The following FARSB variants were observed in gnomAD, a reference collection of about 807,000 sequenced individuals.
The protein encoded by FARSB is phenylalanine--tRNA ligase beta subunit.
In FARSB, 40 loss-of-function variants were observed where a neutral mutation model predicts 69.6. The ratio of observed to expected loss-of-function variants is 0.57; its 90% confidence interval spans 0.45 to 0.75. The LOEUF (loss-of-function observed/expected upper bound fraction) is 0.75, where lower values mean the gene tolerates loss of function less well. FARSB is among the 30% of genes least tolerant of loss of function. FARSB has a pLI of 0.00. For missense variants in FARSB, 632 were observed against 722.9 expected, an observed-to-expected ratio of 0.87 and a Z score of 1.44; for synonymous variants, 235 against 247.2, an observed-to-expected ratio of 0.95 and a Z score of 0.46.
rs766894397 is a variant in FARSB at position 222,639,595 on chromosome 2, T to A, written c.440A>T (p.His147Leu). ...DSFIELQEKL[H>L]QNICRKRALV... ...AACCACAAACCTGCAAATATTCTGA[T>A]GTAATTTCTCCTGAAGTTCAATGAA... The change falls in exon 5 of 17, where the codon CAT becomes CTT. Residue 147 changes from histidine (H) to leucine (L), a missense_variant. By Grantham distance (99) the His-to-Leu change is moderately conservative. Transcript: ENST00000281828. 1.3e-6 allele frequency: 2 copies of A among 1,556,432 alleles called. No individual in the cohort carries two copies. Among genetic ancestry groups the A allele is most frequent in the Non-Finnish European group, 1.8e-6 (2 of 1,136,650 alleles).
At chr2:222,635,284 G>T (rs1467587588) in intron 5 of FARSB, among the ~76,000 whole-genome samples, 1 of 152,172 alleles carries the variant, frequency 6.6e-6, no homozygotes, top group African/African-American at 2.4e-5. Context: ...CTTTCTAACA[G>T]TCAATTTGAA....
chr2:222,641,521 G>C (rs1257158169), intron 3 of FARSB, among the ~76,000 whole-genome samples: 6 of 152,240 alleles, frequency 3.9e-5, no homozygotes, highest in Non-Finnish European at 8.8e-5. Flanking sequence ...TTAAACCACA[G>C]ATTCTGATTA....
intron 16 of FARSB, among the ~76,000 whole-genome samples, chr2:222,581,247 G>A (rs1219399391): frequency 6.6e-6 from 1 of 152,202 alleles, no homozygotes; most frequent in African/African-American, 2.4e-5. Flanking sequence ...TTAAATGAAT[G>A]TCAATCTGTT....
At chr2:222,623,165 G>A (rs1691184414) in intron 13 of FARSB, among the ~76,000 whole-genome samples, 1 of 152,228 alleles carries the variant, frequency 6.6e-6, no homozygotes, top group South Asian at 2.1e-4. Flanking sequence ...TTCTGATTTT[G>A]TAATAAAAGT....
intron 14 of FARSB, among the ~76,000 whole-genome samples, chr2:222,617,619 C>T (rs552369053): frequency 4.5e-4 from 69 of 152,362 alleles, no homozygotes; most frequent in African/African-American, 1.6e-3. Flanking sequence ...CGAGGTGGCT[C>T]ACACTTGTCA....
chr2:222,599,930 TCTGATG>T lies in FARSB; in HGVS notation c.1610_1615del (p.Ala537_Ser538del). The T allele has an allele frequency of 6.3e-7, 1 of 1,593,970 alleles. No homozygotes were observed. Among genetic ancestry groups the T allele is most frequent in the Non-Finnish European group, 8.5e-7 (1 of 1,174,936 alleles). ...TGGATTCGGCTCATCTGTCTTACCT[TCTGATG>T]CTTTGATCACATATCCCCCCTTGTC... On this transcript the variant is annotated inframe_deletion, in exon 16 of 17. Transcript: ENST00000281828.
intron 3 of FARSB, among the ~76,000 whole-genome samples, chr2:222,642,122 T>C (rs1691735781): frequency 6.6e-6 from 1 of 151,984 alleles, no homozygotes; most frequent in Non-Finnish European, 1.5e-5. Context: ...TGCCTCAGCC[T>C]CCTGAGTAGC....
intron 4 of FARSB, 78 bp downstream of exon 4, chr2:222,640,784 T>C (rs1342534977): frequency 1.2e-5 from 9 of 737,168 alleles, no homozygotes; most frequent in Non-Finnish European, 2.3e-6. Flanking sequence ...TAAGCTTTGT[T>C]TCTCTTTCCT....
At chr2:222,592,571 A>G (rs935547930) in intron 16 of FARSB, among the ~76,000 whole-genome samples, 7 of 151,788 alleles carry the variant, frequency 4.6e-5, no homozygotes, top group Non-Finnish European at 8.8e-5. Flanking sequence ...TTGAACTTTC[A>G]GGACCCGGGC....
rs76145941 is a variant in FARSB at position 222,619,321 on chromosome 2, A to T, written c.1344+324T>A. ...ACTCTGTCCCAAAAAATAAAAATTA[A>T]AAAAAAAAAAAAAAAATGAAATCTG... On this transcript the variant is annotated intron_variant, in intron 14 of 16. Transcript: ENST00000281828. Among the ~76,000 whole-genome samples the T allele has an allele frequency of 9.3e-4, 29 of 31,150 alleles. No individual in the cohort carries two copies. In the African/African-American group the frequency reaches 0.011, roughly 11 times the overall value. 20.4% of individuals were successfully genotyped at this position (31,150 alleles called of 152,430 possible).
At position 222,617,048 on chromosome 2, in the gene FARSB, C is replaced by T. The variant is rs1216071151; in HGVS notation, c.1344+2597G>A. 6.4e-5 allele frequency among the ~76,000 whole-genome samples: 2 copies of T among 31,184 alleles called. 1 individual carries two copies. The highest frequency in any genetic ancestry group is 1.2e-4 in the Non-Finnish European group (2 of 16,512). 20.5% of individuals were successfully genotyped at this position (31,184 alleles called of 152,430 possible). On this transcript the variant is annotated intron_variant, in intron 14 of 16. Transcript: ENST00000281828. ...TCGCTCTGTCGCCCAGGTCGGACTGCGGACTGCAGTGGCGCAATCTCGGCT... is the reference window on the plus strand; with the variant it reads ...TCGCTCTGTCGCCCAGGTCGGACTGTGGACTGCAGTGGCGCAATCTCGGCT...
rs530889660 is a variant in FARSB, at chr2:222,651,949, C to A, written c.59-3154G>T. ...GCCATGGAGAATTATTCCAGGCCTT[C>A]AGACCTAATCAAGAACATCCAACAT... On this transcript the variant is annotated intron_variant, in intron 1 of 16. Coordinates refer to ENST00000281828, the MANE Select transcript of FARSB (RefSeq NM_005687.5). Among the ~76,000 whole-genome samples, 4 of 152,304 alleles carry A rather than the reference C, an allele frequency of 2.6e-5. No individual in the cohort carries two copies. In the East Asian group the frequency reaches 7.7e-4, roughly 29 times the overall value.
At chr2:222,645,047 A>G (rs1008391052) in intron 2 of FARSB, among the ~76,000 whole-genome samples, 10 of 152,028 alleles carry the variant, frequency 6.6e-5, no homozygotes, top group Admixed American at 1.3e-4. Context: ...AGCTCATACA[A>G]TGACCATATG....
chr2:222,619,549 T>A (rs1239455765), intron 14 of FARSB, 96 bp downstream of exon 14: 1 of 659,570 alleles, frequency 1.5e-6, no homozygotes, highest in East Asian at 2.7e-5. Flanking sequence ...GCTCTAAGAT[T>A]TCACCATCTC....
In FARSB at chr2:222,624,695, T is replaced by A. The variant is rs1691222688; in HGVS notation, c.962+19A>T. On this transcript the variant is annotated intron_variant, in intron 11 of 16. Coordinates refer to ENST00000281828, the MANE Select transcript of FARSB (RefSeq NM_005687.5). ...ACGTGTACTTTGTTCTTGAATTAAG[T>A]GAAGTTTTCAGAGCATACCTGATTC... 1.3e-6 allele frequency: 2 copies of A among 1,552,518 alleles called. No individual in the cohort carries two copies. Among genetic ancestry groups the A allele is most frequent in the Admixed American group, 1.8e-5 (1 of 55,550 alleles).
chr2:222,617,957 G>A lies in FARSB; in HGVS notation c.1344+1688C>T, dbSNP rs572734167. 2.0e-5 allele frequency among the ~76,000 whole-genome samples: 3 copies of A among 152,122 alleles called. No individual in the cohort carries two copies. In the South Asian group the frequency reaches 6.2e-4, roughly 32 times the overall value. ...AGATAAGTAAAACTGGGAGAAAAAG[G>A]TACATTTCGAATAAGCAAAAATCCA... On this transcript the variant is annotated intron_variant, in intron 14 of 16. Coordinates refer to ENST00000281828, the MANE Select transcript of FARSB (RefSeq NM_005687.5).
chr2:222,621,224 A>T (rs1691127059), intron 13 of FARSB, among the ~76,000 whole-genome samples: 1 of 152,266 alleles, frequency 6.6e-6, no homozygotes, highest in African/African-American at 2.4e-5. Flanking sequence ...ATGGATAATA[A>T]GGGATAGTGA....
At chr2:222,615,410 T>A (rs1690972029) in intron 14 of FARSB, among the ~76,000 whole-genome samples, 2 of 152,202 alleles carry the variant, frequency 1.3e-5, no homozygotes, top group Admixed American at 1.3e-4. Context: ...GCAAGAGGTT[T>A]CCATTAAATT....
At chr2:222,589,198 AAAT>A (rs1413538172) in intron 16 of FARSB, among the ~76,000 whole-genome samples, 2 of 152,220 alleles carry the variant, frequency 1.3e-5, no homozygotes, top group Non-Finnish European at 2.9e-5. Context: ...GAGCCCTCAG[AAAT>A]AATACCACAC....
Sources: allele counts gnomAD v4.1 joint callset (sites outside exome capture counted in the v4.1 genomes callset), GRCh38; gene constraint gnomAD v4.1.1; transcripts MANE v1.5; gene names NCBI Gene and HGNC (gene_info 2026-07-23, HGNC 2026-07-21).